The following CACNG7 variants were observed in gnomAD, a reference collection of about 807,000 sequenced individuals.
CACNG7 encodes the protein voltage-dependent calcium channel gamma-7 subunit.
CACNG7 carries 9 observed loss-of-function variants against 26.3 expected under a neutral mutation model. The ratio of observed to expected loss-of-function variants is 0.34; its 90% CI spans 0.21 to 0.60. The LOEUF (loss-of-function observed/expected upper bound fraction) is 0.60, where lower values mean the gene tolerates loss of function less well. Among genes scored for constraint, CACNG7 ranks in the 20% least tolerant of loss-of-function variants. The probability of loss-of-function intolerance (pLI) is 0.81; values close to 1 mark genes in which losing one functional copy is unlikely to be tolerated. For missense variants in CACNG7, 297 were observed against 380.4 expected, an observed-to-expected ratio of 0.78 and a Z score of 1.82; for synonymous variants, 170 against 157.0, an observed-to-expected ratio of 1.08 and a Z score of -0.62.
chr19:53,921,713 C>T lies in CACNG7; in HGVS notation c.424+6208C>T, dbSNP rs372353570. 5.3e-4 allele frequency among the ~76,000 whole-genome samples: 36 copies of T among 67,392 alleles called. 1 individual carries two copies. The highest frequency in any genetic ancestry group is 2.6e-3 in the East Asian group (6 of 2,342). 44.2% of individuals were successfully genotyped at this position (67,392 alleles called of 152,430 possible). A position where few individuals can be genotyped will look rare whatever the true frequency, so the allele number is the denominator to read the frequency against. On this transcript the variant is annotated intron_variant, in intron 4 of 5. Transcript: ENST00000391767. ...GCCCCAGGTCTGGTCATTGGTGGAG[C>T]TGTCCCAGGCTGGTCATTGGTGGAG...
At chr19:53,926,969 CT>C (rs924928721) in intron 4 of CACNG7, among the ~76,000 whole-genome samples, 2 of 151,074 alleles carry the variant, frequency 1.3e-5, no homozygotes, top group Non-Finnish European at 1.5e-5. Context: ...TTCTTTTTTT[CT>C]TTTTTTTTGA....
chr19:53,924,071 T>C (rs1435596276), intron 4 of CACNG7, among the ~76,000 whole-genome samples: 98 of 121,094 alleles, frequency 8.1e-4, no homozygotes, highest in African/African-American at 2.9e-3. Flanking sequence ...TGTCCCCAGG[T>C]CTGGTCATTG....
At chr19:53,916,468 A>T (rs894144027) in intron 4 of CACNG7, among the ~76,000 whole-genome samples, 2 of 148,364 alleles carry the variant, frequency 1.3e-5, no homozygotes, top group African/African-American at 5.0e-5. Context: ...AGTTCCAGCA[A>T]TGCCTTTTTT....
At chr19:53,919,510 G>C (rs145632303) in intron 4 of CACNG7, among the ~76,000 whole-genome samples, 3,844 of 146,190 alleles carry the variant, frequency 0.026, 226 homozygotes, top group African/African-American at 0.093. Context: ...GTTGTCCCCA[G>C]GCCTGGTATT....
intron 4 of CACNG7, among the ~76,000 whole-genome samples, chr19:53,921,722 G>GC (rs1555810606): frequency 1.0e-5 from 1 of 99,232 alleles, no homozygotes; most frequent in Non-Finnish European, 1.8e-5. Flanking sequence ...GCTGTCCCAG[G>GC]CTGGTCATTG....
intron 4 of CACNG7, among the ~76,000 whole-genome samples, chr19:53,925,671 G>C (rs1046517323): frequency 1.3e-5 from 2 of 152,248 alleles, no homozygotes; most frequent in African/African-American, 4.8e-5. Flanking sequence ...AAGGGCTCAG[G>C]CAGGAGGATT....
At position 53,914,359 on chromosome 19, in the gene CACNG7, G is replaced by GAGTA. The variant is rs2068881200; in HGVS notation, c.197-140_197-137dup. The stretch of plus-strand genomic sequence containing the variant: ...CCCACCCGCTTTCCCAACACCCCTG[G>GAGTA]AGTAGTACAGCTCGTAACCCTTGGG... On this transcript the variant is annotated intron_variant, in intron 2 of 5. Transcript: ENST00000391767. 8 of 639,704 alleles carry GAGTA rather than the reference G, an allele frequency of 1.3e-5. No homozygotes were observed. In the South Asian group the frequency reaches 1.5e-4, roughly 12 times the overall value. The allele number at this position is 639,704 out of a possible 1,614,324, so 39.6% of individuals were successfully genotyped here. A position where few individuals can be genotyped will look rare whatever the true frequency, so the allele number is the denominator to read the frequency against.
chr19:53,924,449 C>G (rs1165086630), intron 4 of CACNG7, among the ~76,000 whole-genome samples: 12 of 142,872 alleles, frequency 8.4e-5, no homozygotes, highest in South Asian at 4.5e-4. Context: ...GGAGTTGTCC[C>G]AGGTCTGGTC....
At chr19:53,913,801 A>AAG (rs2068875892) in intron 2 of CACNG7, among the ~76,000 whole-genome samples, 1 of 150,836 alleles carries the variant, frequency 6.6e-6, no homozygotes, top group Non-Finnish European at 1.5e-5. Flanking sequence ...AAAAAAAAAA[A>AAG]AAAAAAAGAA....
At chr19:53,929,592 G>A (rs753886115) in intron 4 of CACNG7, among the ~76,000 whole-genome samples, 2 of 152,116 alleles carry the variant, frequency 1.3e-5, no homozygotes, top group Non-Finnish European at 2.9e-5. Flanking sequence ...GAGTAGCTGG[G>A]ATTACAGGCG....
chr19:53,915,005 C>CAAAAA (rs1360776773), intron 3 of CACNG7, among the ~76,000 whole-genome samples: 5 of 118,192 alleles, frequency 4.2e-5, no homozygotes, highest in African/African-American at 1.6e-4. Context: ...GACTCTGTCT[C>CAAAAA]AAAAAAAAAA....
At chr19:53,911,024 T>G (rs1010789395) in intron 1 of CACNG7, among the ~76,000 whole-genome samples, 1 of 146,452 alleles carries the variant, frequency 6.8e-6, no homozygotes, top group Non-Finnish European at 1.5e-5. Flanking sequence ...TGGGGTGCTC[T>G]GATGAGGATG....
chr19:53,924,523 G>T (rs181141707), intron 4 of CACNG7, among the ~76,000 whole-genome samples: 1 of 145,200 alleles, frequency 6.9e-6, no homozygotes, highest in Admixed American at 6.9e-5. Context: ...TATTGGTGGA[G>T]TTGCCCCAGG....
intron 4 of CACNG7, among the ~76,000 whole-genome samples, chr19:53,933,890 TTTTA>T (rs933902235): frequency 6.6e-6 from 1 of 151,790 alleles, no homozygotes; most frequent in African/African-American, 2.4e-5. Context: ...ATTGTTTAAT[TTTTA>T]TTTATTTATT....
At chr19:53,911,625 C>A (rs1023568856) in intron 1 of CACNG7, among the ~76,000 whole-genome samples, 1 of 151,898 alleles carries the variant, frequency 6.6e-6, no homozygotes, top group African/African-American at 2.4e-5. Context: ...GTCAGAGGGG[C>A]GAAAGGGGGA....
At chr19:53,922,315 GGTCTGGTCA>G (rs2068966616) in intron 4 of CACNG7, among the ~76,000 whole-genome samples, 1 of 100,612 alleles carries the variant, frequency 9.9e-6, no homozygotes, top group Non-Finnish European at 1.9e-5. Context: ...GTTGTCCCCA[GGTCTGGTCA>G]TTGGTGGAGT....
chr19:53,915,562 G>A, intron 4 of CACNG7, 57 bp downstream of exon 4: 2 of 1,599,732 alleles, frequency 1.3e-6, no homozygotes, highest in East Asian at 4.5e-5. Context: ...GGGACCTGTG[G>A]TTCCTTTTCC....
At chr19:53,923,657 C>G (rs1397830264) in intron 4 of CACNG7, among the ~76,000 whole-genome samples, 1 of 144,056 alleles carries the variant, frequency 6.9e-6, no homozygotes, top group African/African-American at 2.6e-5. Flanking sequence ...GTGCAGTTGC[C>G]CCAGGTCTGG....
rs775015826 is a variant in CACNG7 at position 53,942,098 on chromosome 19, T to A, written c.633T>A (p.Arg211=). ...GCTACGCGGAGGAGGAGATGTACCG[T>A]CCACACCCGGCCTTCTACCGCCCGC... The part of the protein sequence containing the change: ...TKRYAEEEMY[R]PHPAFYRPRL... Residue 211 remains arginine (R), a synonymous_variant, in exon 6 of 6, where the codon CGT becomes CGA. Transcript: ENST00000391767. This position sits in a 1 kb window ranked among gnomAD's most constrained non-coding sequence, Gnocchi z 5.9. 6.2e-7 allele frequency: 1 copy of A among 1,613,854 alleles called. No individual in the cohort carries two copies. Among genetic ancestry groups the A allele is most frequent in the East Asian group, 2.2e-5 (1 of 44,858 alleles).
Sources: allele counts gnomAD v4.1 joint callset (sites outside exome capture counted in the v4.1 genomes callset), GRCh38; gene constraint gnomAD v4.1.1; non-coding constraint Gnocchi (gnomAD v3.1); transcripts MANE v1.5; gene names NCBI Gene and HGNC (gene_info 2026-07-23, HGNC 2026-07-21).